Variants in TANC1 observed in about 807,000 individuals in gnomAD.
TANC1 encodes protein TANC1.
A neutral mutation model predicts 149.7 loss-of-function variants in TANC1; 77 were observed. The observed-to-expected ratio is 0.51, with a 90% CI of 0.43 to 0.62. The LOEUF (loss-of-function observed/expected upper bound fraction) is 0.62. TANC1 is among the 20% of genes least tolerant of loss of function. The pLI, the probability that TANC1 is intolerant of heterozygous loss-of-function variation, is 0.00. For missense variants in TANC1, 1,985 were observed against 2,321.8 expected (o/e 0.85, Z 2.98); for synonymous variants, 854 against 925.0 (o/e 0.92, Z 1.39).
At chr2:159,039,911 A>G (rs1239136386) in intron 2 of TANC1, among the ~76,000 whole-genome samples, 1 of 152,040 alleles carries the variant, frequency 6.6e-6, no homozygotes, top group Non-Finnish European at 1.5e-5. Context: ...ATCCTTGTTA[A>G]CCTTCTGTCT....
At chr2:159,040,557 C>T (rs1359028540) in intron 2 of TANC1, among the ~76,000 whole-genome samples, 1 of 152,174 alleles carries the variant, frequency 6.6e-6, no homozygotes, top group Non-Finnish European at 1.5e-5. Context: ...AAATTGGCTA[C>T]TGAAGCTTGT....
At chr2:159,097,578 AT>A in intron 3 of TANC1, 58 bp from the exon 4 acceptor site, 1 of 1,316,322 alleles carries the variant, frequency 7.6e-7, no homozygotes. Flanking sequence ...TAGGAGTTAA[AT>A]TTGCATCAAC....
intron 4 of TANC1, among the ~76,000 whole-genome samples, chr2:159,127,319 C>T (rs6747831): frequency 2.6e-5 from 4 of 152,008 alleles, no homozygotes; most frequent in Non-Finnish European, 4.4e-5. Context: ...AACAGATGCT[C>T]GTGAGGCTGT....
Position 159,230,331 on chromosome 2 carries a change from C to G in TANC1, c.4905C>G (p.Ser1635=). ...CAGAGAGGCTTCTGTCTCATTCCTC[C>G]GTGGCTGTGGACGCAGCCCCTCCAA... The part of the protein sequence containing the change: ...KTTERLLSHS[S]VAVDAAPPNQ... Residue 1635 remains serine (S), a synonymous_variant, in exon 27 of 27, where the codon TCC becomes TCG. Transcript: ENST00000263635. This position sits in a 1 kb window ranked among gnomAD's most constrained non-coding sequence, Gnocchi z 4.4. 1 of 1,614,128 alleles carries G rather than the reference C, an allele frequency of 6.2e-7. No individual in the cohort carries two copies. Among genetic ancestry groups the G allele is most frequent in the Non-Finnish European group, 8.5e-7 (1 of 1,180,038 alleles).
intron 2 of TANC1, among the ~76,000 whole-genome samples, chr2:159,031,164 A>G (rs751422541): frequency 1.8e-4 from 27 of 152,226 alleles, no homozygotes; most frequent in Non-Finnish European, 3.4e-4. Context: ...CAAGAAAGCC[A>G]AGTTACTGGA....
chr2:159,094,350 T>C (rs891354645), intron 3 of TANC1, among the ~76,000 whole-genome samples: 6 of 152,224 alleles, frequency 3.9e-5, no homozygotes, highest in Admixed American at 2.6e-4. Context: ...GCCTCAGTGC[T>C]TTCCAAGTTC....
chr2:158,972,934 T>A (rs906406808), intron 1 of TANC1, among the ~76,000 whole-genome samples: 8 of 152,196 alleles, frequency 5.3e-5, no homozygotes, highest in Non-Finnish European at 1.2e-4. Context: ...TAGAGGACTT[T>A]GAAGAAGGCT....
At chr2:159,071,260 A>G (rs2043133318) in intron 3 of TANC1, among the ~76,000 whole-genome samples, 1 of 152,248 alleles carries the variant, frequency 6.6e-6, no homozygotes, top group South Asian at 2.1e-4. Context: ...CAGAAAAAAT[A>G]TAGACTGATT....
At chr2:159,175,858 G>C (rs2055795041) in intron 12 of TANC1, among the ~76,000 whole-genome samples, 1 of 152,252 alleles carries the variant, frequency 6.6e-6, no homozygotes, top group South Asian at 2.1e-4. Flanking sequence ...TCGCAGAGAA[G>C]AGCCCTGTTG....
chr2:159,102,051 G>A (rs1171424554), intron 4 of TANC1, among the ~76,000 whole-genome samples: 1 of 152,122 alleles, frequency 6.6e-6, no homozygotes, highest in African/African-American at 2.4e-5. Flanking sequence ...AAATTGACAG[G>A]CTGTGGAGTA....
At chr2:159,128,783 T>G (rs1057144485) in intron 4 of TANC1, among the ~76,000 whole-genome samples, 6 of 152,144 alleles carry the variant, frequency 3.9e-5, no homozygotes, top group Admixed American at 3.3e-4. Flanking sequence ...CACTCTTTTG[T>G]TGGGGGGGCA....
chr2:159,171,478 A>G (rs62171124), intron 10 of TANC1, among the ~76,000 whole-genome samples: 4,397 of 151,842 alleles, frequency 0.029, 85 homozygotes, highest in Non-Finnish European at 0.046. Context: ...CAAAAAATTC[A>G]CCAGTCATAG....
intron 18 of TANC1, among the ~76,000 whole-genome samples, chr2:159,198,060 G>A (rs1471165129): frequency 6.6e-6 from 1 of 151,978 alleles, no homozygotes; most frequent in African/African-American, 2.4e-5. Flanking sequence ...TTAGCTCATG[G>A]CCCCTTCCTC....
rs767761227 is a variant in TANC1, at chr2:159,232,240, G to A, written c.*1228G>A. 6.6e-6 allele frequency: 1 copy of A among 152,592 alleles called. No homozygotes were observed. Among genetic ancestry groups the A allele is most frequent in the Non-Finnish European group, 1.5e-5 (1 of 68,024 alleles). The allele number at this position is 152,592 out of a possible 1,614,324, so 9.5% of individuals were successfully genotyped here. A position where few individuals can be genotyped will look rare whatever the true frequency, so the allele number is the denominator to read the frequency against. ...TACAGGAATGAACCTTGGTTTAAAG[G>A]TATTTTTATATGAAAATGGTGTGTT... On this transcript the variant is annotated 3_prime_UTR_variant, in exon 27 of 27. Transcript: ENST00000263635.
chr2:159,102,186 A>G (rs560768476), intron 4 of TANC1, among the ~76,000 whole-genome samples: 1 of 152,286 alleles, frequency 6.6e-6, no homozygotes, highest in South Asian at 2.1e-4. Context: ...ACTACTGTGA[A>G]CATCTTTTCT....
chr2:159,047,394 AACGCAAAC>A (rs1301285944), intron 2 of TANC1, among the ~76,000 whole-genome samples: 34 of 152,262 alleles, frequency 2.2e-4, no homozygotes, highest in Non-Finnish European at 2.8e-4. Context: ...AAAGAAGGAA[AACGCAAAC>A]TTAAGTCATT....
intron 7 of TANC1, 177 bp downstream of exon 7, chr2:159,150,733 T>C (rs2052700443): frequency 1.8e-6 from 1 of 569,894 alleles, no homozygotes; most frequent in Non-Finnish European, 3.1e-6. Flanking sequence ...AGCATTGGCT[T>C]TTACATTCCT....
intron 2 of TANC1, among the ~76,000 whole-genome samples, chr2:159,023,842 C>T (rs2039031619): frequency 6.6e-6 from 1 of 152,050 alleles, no homozygotes; most frequent in Non-Finnish European, 1.5e-5. Context: ...ATGGCACATG[C>T]CTGTAGTCCC....
chr2:159,130,421 G>A (rs1438415547), intron 4 of TANC1, among the ~76,000 whole-genome samples: 1 of 152,194 alleles, frequency 6.6e-6, no homozygotes, highest in Admixed American at 6.5e-5. Flanking sequence ...GAGGGCTTGG[G>A]GAGATGGATT....
Sources: gnomAD v4.1 joint callset for allele counts (sites outside exome capture counted in the v4.1 genomes callset) on GRCh38, gnomAD v4.1.1 for gene constraint, Gnocchi (gnomAD v3.1) non-coding constraint, MANE v1.5 for transcripts, NCBI Gene and HGNC (gene_info 2026-07-23, HGNC 2026-07-21) for gene names.